CTNNA3: variants seen among roughly 807,000 people sequenced by gnomAD.
CTNNA3 encodes the protein catenin alpha 3, also known as catenin alpha-3.
In CTNNA3, 76 loss-of-function variants were observed where a neutral mutation model predicts 95.7. That is an observed-to-expected ratio of 0.79 (90% CI 0.66 to 0.96). The LOEUF (loss-of-function observed/expected upper bound fraction) is 0.96, where lower values mean the gene tolerates loss of function less well. Among genes scored for constraint, CTNNA3 ranks in the 40% least tolerant of loss-of-function variants. CTNNA3 has a pLI of 0.00. For missense variants in CTNNA3, 1,191 were observed against 1,089.8 expected (o/e 1.09, Z -1.31); for synonymous variants, 431 against 374.4 (o/e 1.15, Z -1.74).
chr10:67,375,522 A>C (rs1843654127), intron 5 of CTNNA3, among the ~76,000 whole-genome samples: 1 of 152,110 alleles, frequency 6.6e-6, no homozygotes. Context: ...CTGAGGCAAG[A>C]GAATCGCTTC....
At chr10:66,917,850 C>T (rs1351174930) in intron 7 of CTNNA3, among the ~76,000 whole-genome samples, 1 of 152,202 alleles carries the variant, frequency 6.6e-6, no homozygotes, top group African/African-American at 2.4e-5. Context: ...ATTTAAAGAA[C>T]ACTGACTGAC....
At chr10:66,943,845 G>A (rs1848147619) in intron 7 of CTNNA3, among the ~76,000 whole-genome samples, 1 of 152,176 alleles carries the variant, frequency 6.6e-6, no homozygotes, top group Admixed American at 6.5e-5. Context: ...TCTATTAAGT[G>A]TGCAGTAGCA....
At chr10:67,444,415 A>T (rs1846658499) in intron 5 of CTNNA3, among the ~76,000 whole-genome samples, 1 of 152,160 alleles carries the variant, frequency 6.6e-6, no homozygotes, top group Non-Finnish European at 1.5e-5. Flanking sequence ...AGGCAAGTTC[A>T]TACCTATAAA....
At chr10:66,617,609 G>C (rs1462407200) in intron 10 of CTNNA3, among the ~76,000 whole-genome samples, 7 of 152,090 alleles carry the variant, frequency 4.6e-5, no homozygotes, top group Admixed American at 1.3e-4. Context: ...ATATCATACT[G>C]AATGGGCAAA....
intron 3 of CTNNA3, among the ~76,000 whole-genome samples, chr10:67,567,750 T>C (rs541017126): frequency 2.0e-5 from 3 of 152,074 alleles, no homozygotes; most frequent in Admixed American, 6.6e-5. Context: ...TGCAAATTAA[T>C]GGAAGCTTGC....
intron 7 of CTNNA3, among the ~76,000 whole-genome samples, chr10:66,941,486 C>T (rs991852185): frequency 5.9e-5 from 9 of 152,012 alleles, no homozygotes; most frequent in South Asian, 2.1e-4. Context: ...CCACTTTGAA[C>T]GCAGGAATCT....
chr10:66,813,891 G>A (rs1406339956), intron 7 of CTNNA3, among the ~76,000 whole-genome samples: 1 of 151,728 alleles, frequency 6.6e-6, no homozygotes, highest in Non-Finnish European at 1.5e-5. Flanking sequence ...GACAGAGACA[G>A]AGAAATGTGA....
chr10:65,988,184 T>C (rs960552083), intron 16 of CTNNA3, among the ~76,000 whole-genome samples: 1 of 152,090 alleles, frequency 6.6e-6, no homozygotes, highest in Non-Finnish European at 1.5e-5. Context: ...AGATTTTGAA[T>C]GTGTTCAAAA....
chr10:67,077,967 A>G (rs184849198), intron 7 of CTNNA3, among the ~76,000 whole-genome samples: 43 of 152,314 alleles, frequency 2.8e-4, no homozygotes, highest in African/African-American at 1.0e-3. Context: ...TCTCACCAAC[A>G]GCTTAGAAAG....
chr10:67,520,761 T>G (rs1306444490), intron 5 of CTNNA3, among the ~76,000 whole-genome samples: 1 of 152,216 alleles, frequency 6.6e-6, no homozygotes, highest in Non-Finnish European at 1.5e-5. Context: ...ACATCTGTGA[T>G]AGAGCAATAC....
chr10:66,250,653 T>TTTATTA (rs367595346), intron 13 of CTNNA3, among the ~76,000 whole-genome samples: 82,855 of 151,226 alleles, frequency 0.55, 23,840 homozygotes, highest in Middle Eastern at 0.65. Flanking sequence ...ACCTTGTTGT[T>TTTATTA]TTATCATTAT....
chr10:67,737,714 C>A (rs1212831824), intron 1 of CTNNA3, among the ~76,000 whole-genome samples: 1 of 152,204 alleles, frequency 6.6e-6, no homozygotes, highest in Non-Finnish European at 1.5e-5. Flanking sequence ...GATACCATCT[C>A]ACACCAGTTA....
At chr10:67,033,321 T>C (rs1853847566) in intron 7 of CTNNA3, among the ~76,000 whole-genome samples, 1 of 152,210 alleles carries the variant, frequency 6.6e-6, no homozygotes, top group Admixed American at 6.5e-5. Context: ...TTTCCACATG[T>C]GCACATCTTC....
At chr10:66,394,052 G>T (rs2092954904) in intron 11 of CTNNA3, among the ~76,000 whole-genome samples, 1 of 152,008 alleles carries the variant, frequency 6.6e-6, no homozygotes. Flanking sequence ...TGGTACAAAA[G>T]ATTGTTTATG....
chr10:66,718,735 T>C (rs142874573), intron 9 of CTNNA3, among the ~76,000 whole-genome samples: 27 of 151,996 alleles, frequency 1.8e-4, no homozygotes, highest in South Asian at 1.2e-3. Context: ...TGTTCACCGA[T>C]GTACCCCAAA....
intron 11 of CTNNA3, among the ~76,000 whole-genome samples, chr10:66,447,832 T>C (rs80185738): frequency 0.26 from 39,931 of 151,526 alleles, 5,392 homozygotes; most frequent in South Asian, 0.39. Flanking sequence ...AAATGGGGTC[T>C]AATTAAACTA....
chr10:67,398,017 C>A (rs1844778043), intron 5 of CTNNA3, among the ~76,000 whole-genome samples: 1 of 152,236 alleles, frequency 6.6e-6, no homozygotes, highest in African/African-American at 2.4e-5. Flanking sequence ...TCATGGAGAA[C>A]CTCTGCTAGG....
chr10:67,647,423 T>C lies in CTNNA3; in HGVS notation c.91A>G (p.Ile31Val), dbSNP rs1383577407. 2 of 1,611,476 alleles carry C rather than the reference T, an allele frequency of 1.2e-6. No homozygotes were observed. The highest frequency in any genetic ancestry group is 1.7e-6 in the Non-Finnish European group (2 of 1,177,860). Residue 31 changes from isoleucine to valine, a missense_variant, in exon 2 of 18, where the codon ATA becomes GTA. Transcript: ENST00000433211. ...TTCCATGGTATTAATACCTGGATTA[T>C]GAGAGGCTCCAGTAGCTTCTCCACG... Reference protein sequence around the residue: ...FTVEKLLEPLIIQVTTLVNCP... With the variant: ...FTVEKLLEPLVIQVTTLVNCP...
At chr10:66,066,130 T>C (rs2080308113) in intron 15 of CTNNA3, among the ~76,000 whole-genome samples, 1 of 152,186 alleles carries the variant, frequency 6.6e-6, no homozygotes, top group African/African-American at 2.4e-5. Flanking sequence ...CCCAAAGTGC[T>C]GGGATTACAG....
Sources: gnomAD v4.1 joint callset for allele counts (sites outside exome capture counted in the v4.1 genomes callset) on GRCh38, gnomAD v4.1.1 for gene constraint, MANE v1.5 for transcripts, NCBI Gene and HGNC (gene_info 2026-07-23, HGNC 2026-07-21) for gene names.